SPAG16: variants seen among roughly 807,000 people sequenced by gnomAD.
SPAG16 encodes sperm associated antigen 16, also known as sperm-associated antigen 16 protein.
A neutral mutation model predicts 80.4 loss-of-function variants in SPAG16; 86 were observed. The observed-to-expected ratio is 1.07, with a 90% CI of 0.90 to 1.28. The LOEUF is 1.28. Among genes scored for constraint, SPAG16 ranks in the 50% most tolerant of loss-of-function variants. The probability of loss-of-function intolerance (pLI) is 0.00; values close to 1 mark genes in which losing one functional copy is unlikely to be tolerated. For missense variants in SPAG16, 870 were observed against 765.3 expected (o/e 1.14, Z -1.61); for synonymous variants, 294 against 265.9 (o/e 1.11, Z -1.03).
intron 10 of SPAG16, among the ~76,000 whole-genome samples, chr2:213,817,654 GA>G (rs1450571665): frequency 1.3e-5 from 2 of 152,202 alleles, no homozygotes; most frequent in African/African-American, 4.8e-5. Flanking sequence ...ATACAGCCAT[GA>G]AAAAGAATGA....
intron 9 of SPAG16, among the ~76,000 whole-genome samples, chr2:213,393,951 C>T (rs1164908704): frequency 6.6e-6 from 1 of 152,008 alleles, no homozygotes; most frequent in Non-Finnish European, 1.5e-5. Context: ...TTGAAGTATA[C>T]TTGAAATGTA....
At chr2:213,624,350 A>T (rs2061887670) in intron 10 of SPAG16, among the ~76,000 whole-genome samples, 1 of 152,190 alleles carries the variant, frequency 6.6e-6, no homozygotes, top group Non-Finnish European at 1.5e-5. Flanking sequence ...TTTAAAAAGC[A>T]TCTTCAGAAA....
chr2:213,786,218 C>T (rs1272699130), intron 10 of SPAG16, among the ~76,000 whole-genome samples: 1 of 152,086 alleles, frequency 6.6e-6, no homozygotes, highest in Non-Finnish European at 1.5e-5. Flanking sequence ...CTTTCATCGT[C>T]CCATTTAACA....
intron 9 of SPAG16, among the ~76,000 whole-genome samples, chr2:213,411,240 G>A (rs550332704): frequency 7.2e-5 from 11 of 152,258 alleles, no homozygotes; most frequent in Admixed American, 5.9e-4. Context: ...TAGGTCTTTC[G>A]ACTCTCAAGT....
intron 10 of SPAG16, among the ~76,000 whole-genome samples, chr2:213,652,168 G>A (rs2063048188): frequency 6.6e-6 from 1 of 152,118 alleles, no homozygotes; most frequent in Non-Finnish European, 1.5e-5. Flanking sequence ...ACTGCTCTTT[G>A]CCTAGTTTTT....
chr2:214,087,078 T>G (rs2051819243), intron 13 of SPAG16, among the ~76,000 whole-genome samples: 1 of 152,180 alleles, frequency 6.6e-6, no homozygotes, highest in East Asian at 1.9e-4. Context: ...ACTCCTTTAC[T>G]CAGTTCTGTC....
intron 10 of SPAG16, among the ~76,000 whole-genome samples, chr2:213,808,677 A>T (rs966851032): frequency 3.3e-5 from 5 of 152,200 alleles, no homozygotes; most frequent in Non-Finnish European, 5.9e-5. Context: ...GACAGGATCC[A>T]TGTAGTACTG....
intron 15 of SPAG16, among the ~76,000 whole-genome samples, chr2:214,177,628 G>A (rs1240341808): frequency 1.3e-5 from 2 of 150,270 alleles, no homozygotes; most frequent in African/African-American, 4.9e-5. Flanking sequence ...CAGAAGGTAG[G>A]TTTTTTGTGA....
chr2:213,874,754 T>G (rs1171208048), intron 11 of SPAG16, among the ~76,000 whole-genome samples: 1 of 152,136 alleles, frequency 6.6e-6, no homozygotes, highest in Non-Finnish European at 1.5e-5. Context: ...CACATGACTG[T>G]GCCTTATTCC....
At chr2:213,540,029 A>ATTTTTTTTT (rs58117443) in intron 10 of SPAG16, among the ~76,000 whole-genome samples, 3 of 110,814 alleles carry the variant, frequency 2.7e-5, no homozygotes, top group Non-Finnish European at 5.5e-5. Flanking sequence ...ATATTTCTTA[A>ATTTTTTTTT]TTTTTTTTTT....
At chr2:213,424,031 C>T (rs1215845081) in intron 9 of SPAG16, among the ~76,000 whole-genome samples, 1 of 152,308 alleles carries the variant, frequency 6.6e-6, no homozygotes, top group East Asian at 1.9e-4. Flanking sequence ...TCAAAGAGCA[C>T]TTTCCATGAC....
intron 9 of SPAG16, among the ~76,000 whole-genome samples, chr2:213,421,606 G>A (rs73986836): frequency 0.11 from 16,953 of 152,246 alleles, 1,819 homozygotes; most frequent in African/African-American, 0.28. Context: ...GTGAGGACTT[G>A]TGGTGATTTT....
At chr2:214,138,173 G>T (rs936332221) in intron 14 of SPAG16, among the ~76,000 whole-genome samples, 2 of 152,006 alleles carry the variant, frequency 1.3e-5, no homozygotes, top group African/African-American at 4.8e-5. Flanking sequence ...ATGGCCAAAG[G>T]AAAATGCTTT....
At chr2:213,559,580 C>T (rs2059536243) in intron 10 of SPAG16, among the ~76,000 whole-genome samples, 1 of 152,068 alleles carries the variant, frequency 6.6e-6, no homozygotes, top group South Asian at 2.1e-4. Context: ...AACATTTTCT[C>T]AATATACTTG....
intron 10 of SPAG16, among the ~76,000 whole-genome samples, chr2:213,640,621 A>G (rs547676058): frequency 6.6e-6 from 1 of 152,240 alleles, no homozygotes; most frequent in East Asian, 2.0e-4. Context: ...TCCCAGCTGT[A>G]AGTACCAGAA....
intron 15 of SPAG16, among the ~76,000 whole-genome samples, chr2:214,353,330 G>C (rs1008720045): frequency 6.6e-6 from 1 of 151,990 alleles, no homozygotes; most frequent in Non-Finnish European, 1.5e-5. Flanking sequence ...TCTAAATTCT[G>C]TGATAATACT....
intron 11 of SPAG16, among the ~76,000 whole-genome samples, chr2:213,879,323 A>C (rs1045486665): frequency 4.6e-5 from 7 of 151,098 alleles, no homozygotes; most frequent in Non-Finnish European, 7.4e-5. Context: ...AATTTCTTTC[A>C]TCGGTGTTTT....
intron 10 of SPAG16, among the ~76,000 whole-genome samples, chr2:213,835,372 A>G (rs1325864845): frequency 6.6e-6 from 1 of 152,194 alleles, no homozygotes; most frequent in African/African-American, 2.4e-5. Flanking sequence ...TAAATGTTAA[A>G]TCACAATCCC....
At chr2:213,446,338 C>G (rs1235204742) in intron 9 of SPAG16, among the ~76,000 whole-genome samples, 1 of 152,068 alleles carries the variant, frequency 6.6e-6, no homozygotes, top group Non-Finnish European at 1.5e-5. Flanking sequence ...CCAATCCAAG[C>G]AAAATAGTAA....
Sources: gnomAD v4.1 joint callset for allele counts (sites outside exome capture counted in the v4.1 genomes callset) on GRCh38, gnomAD v4.1.1 for gene constraint, MANE v1.5 for transcripts, NCBI Gene and HGNC (gene_info 2026-07-23, HGNC 2026-07-21) for gene names.